The following FAM193B variants were observed in gnomAD, a reference collection of about 807,000 sequenced individuals.
FAM193B encodes the protein family with sequence similarity 193 member B.
Under a neutral mutation model 70.7 loss-of-function variants are expected in FAM193B, and 27 were observed. The ratio of observed to expected loss-of-function variants is 0.38; its 90% confidence interval spans 0.28 to 0.53. The LOEUF (loss-of-function observed/expected upper bound fraction) is 0.53, where lower values mean the gene tolerates loss of function less well. Among genes scored for constraint, FAM193B ranks in the 20% least tolerant of loss-of-function variants. FAM193B has a pLI of 0.81. For synonymous variants in FAM193B, 448 were observed against 436.0 expected (o/e 1.03, Z -0.34); for missense variants, 1,022 against 1,072.5 (o/e 0.95, Z 0.66).
At chr5:177,540,199 C>T (rs377376666) in intron 1 of FAM193B, among the ~76,000 whole-genome samples, 3 of 150,624 alleles carry the variant, frequency 2.0e-5, no homozygotes, top group South Asian at 2.1e-4. Context: ...CCCAGCTACT[C>T]GGGAGGCTGG....
chr5:177,529,921 A>G (rs1300513568), intron 5 of FAM193B, among the ~76,000 whole-genome samples: 2 of 152,188 alleles, frequency 1.3e-5, no homozygotes, highest in Non-Finnish European at 2.9e-5. Flanking sequence ...CCCTTGGCTC[A>G]CTACTTCAGG....
intron 1 of FAM193B, among the ~76,000 whole-genome samples, chr5:177,542,543 T>A (rs1322834624): frequency 6.6e-6 from 1 of 152,222 alleles, no homozygotes; most frequent in Non-Finnish European, 1.5e-5. Flanking sequence ...TTGTTAGAAA[T>A]CTTAATCTCT....
At chr5:177,531,529 TGG>T in intron 5 of FAM193B, 1 of 488,010 alleles carries the variant, frequency 2.0e-6, no homozygotes, top group Non-Finnish European at 3.3e-6. Context: ...TGGCTGGGGG[TGG>T]GGGGGAGGTG....
intron 5 of FAM193B, chr5:177,531,368 G>T: frequency 7.3e-7 from 1 of 1,361,492 alleles, no homozygotes. Context: ...AATTCCAGCA[G>T]CTCATCCACA....
chr5:177,534,944 T>G lies in FAM193B; in HGVS notation c.1076+1414A>C, dbSNP rs533807507. ...AAAATTGATTTTAGAAAAATTAAAATAGTGTGCTTGTGAATATGGGAAACC... is the reference window on the plus strand; with the variant it reads ...AAAATTGATTTTAGAAAAATTAAAAGAGTGTGCTTGTGAATATGGGAAACC... On this transcript the variant is annotated intron_variant, in intron 4 of 8. Transcript: ENST00000514747. Among the ~76,000 whole-genome samples the G allele has an allele frequency of 1.5e-3, 221 of 152,340 alleles. 1 individual carries two copies. The highest frequency in any genetic ancestry group is 3.4e-3 in the Middle Eastern group (1 of 294).
Position 177,524,403 on chromosome 5 carries a change from C to T in FAM193B, c.2078G>A (p.Ser693Asn), listed in dbSNP as rs768875513. The T allele has an allele frequency of 3.8e-6, 6 of 1,580,716 alleles. No individual in the cohort carries two copies. In the South Asian group the frequency reaches 6.9e-5, roughly 18 times the overall value. Residue 693 changes from serine to asparagine, a missense_variant, in exon 6 of 9, where the codon AGC becomes AAC. By Grantham distance (46) the Ser-to-Asn change is conservative (BLOSUM62 1). Transcript: ENST00000514747. ...VGSCAEAGEGSRGSRPGPGWA... is the reference protein window; with the variant it reads ...VGSCAEAGEGNRGSRPGPGWA... ...ACCTGGTCCTGGCCGGCTCCCCCGGCTCCCCTCTCCAGCCTCAGCACAGCT... is the reference window on the plus strand; with the variant it reads ...ACCTGGTCCTGGCCGGCTCCCCCGGTTCCCCTCTCCAGCCTCAGCACAGCT...
Position 177,539,158 on chromosome 5 carries a change from G to C in FAM193B, c.211-11C>G. The C allele has an allele frequency of 6.5e-7, 1 of 1,543,854 alleles. No homozygotes were observed. The highest frequency in any genetic ancestry group is 8.7e-7 in the Non-Finnish European group (1 of 1,143,036). ...GGAGGCGGGGGGGACCTGTCCAACA[G>C]ACAGAAACAGGGTTTCCCAGGAGGG... On this transcript the variant is annotated splice_polypyrimidine_tract_variant and intron_variant, in intron 1 of 8. Transcript: ENST00000514747.
chr5:177,521,567 G>A (rs72815140), intron 8 of FAM193B, among the ~76,000 whole-genome samples: 1,605 of 152,352 alleles, frequency 0.011, 18 homozygotes, highest in Non-Finnish European at 0.016. Context: ...AGGAGCCCAG[G>A]GCAGGAAGTG....
At position 177,538,981 on chromosome 5, in the gene FAM193B, G is replaced by C; in HGVS notation, c.377C>G (p.Pro126Arg). The change falls in exon 2 of 9, where the codon CCT (proline) becomes CGT (arginine). Residue 126 changes from proline to arginine, a missense_variant. Transcript: ENST00000514747. This position sits in a 1 kb window ranked among gnomAD's most constrained non-coding sequence, Gnocchi z 4.1. ...TCGGCAACTCTGGCAGACCCACAGA[G>C]GCATCTCGCCTAGGAGATTCTTGAC... is the stretch of plus-strand genomic sequence containing the variant. Reference protein sequence around the residue: ...KLVKNLLGEMPLWVCQSCRKS... With the variant: ...KLVKNLLGEMRLWVCQSCRKS... The C allele has an allele frequency of 6.2e-7, 1 of 1,614,062 alleles. No homozygotes were observed. The highest frequency in any genetic ancestry group is 1.3e-5 in the African/African-American group (1 of 75,066).
Position 177,532,156 on chromosome 5 carries a change from T to G in FAM193B, c.1275+287A>C, listed in dbSNP as rs1283182739. 7.0e-7 allele frequency: 1 copy of G among 1,424,182 alleles called. No homozygotes were observed. Among genetic ancestry groups the G allele is most frequent in the African/African-American group, 1.4e-5 (1 of 70,648 alleles). The allele number at this position is 1,424,182 out of a possible 1,614,324, so 88.2% of individuals were successfully genotyped here. On this transcript the variant is annotated intron_variant, in intron 5 of 8. Transcript: ENST00000514747. This position sits in a 1 kb window ranked among gnomAD's most constrained non-coding sequence, Gnocchi z 4.9. ...TCTGGGATTACACACGTATACATAC[T>G]CATCAGAATCATAGCTTTCTCTCTG...
intron 3 of FAM193B, 95 bp from the exon 4 acceptor site, chr5:177,536,840 A>G: frequency 6.9e-7 from 1 of 1,445,316 alleles, no homozygotes; most frequent in Non-Finnish European, 9.2e-7. Context: ...TGCTTCTGTG[A>G]CAAGAGGGCA....
chr5:177,553,222 T>G (rs1417499719), intron 1 of FAM193B: 2 of 985,832 alleles, frequency 2.0e-6, no homozygotes, highest in Non-Finnish European at 2.4e-6. Flanking sequence ...GCCTTCTGGC[T>G]GCACCAGCCT....
chr5:177,530,145 A>G (rs1242947423), intron 5 of FAM193B, among the ~76,000 whole-genome samples: 1 of 152,200 alleles, frequency 6.6e-6, no homozygotes, highest in East Asian at 1.9e-4. Flanking sequence ...ACAAGGGACA[A>G]GCCATCAAGC....
intron 1 of FAM193B, among the ~76,000 whole-genome samples, chr5:177,550,307 G>A (rs1180601256): frequency 1.3e-5 from 2 of 152,212 alleles, no homozygotes; most frequent in Admixed American, 1.3e-4. Context: ...AATGGAAGTA[G>A]TGCAGGCTGG....
In FAM193B at chr5:177,524,438, G is replaced by A. The variant is rs1231800341; in HGVS notation, c.2043C>T (p.Pro681=). 1 of 1,607,372 alleles carries A rather than the reference G, an allele frequency of 6.2e-7. No individual in the cohort carries two copies. Among genetic ancestry groups the A allele is most frequent in the Non-Finnish European group, 8.5e-7 (1 of 1,177,030 alleles). The change falls in exon 6 of 9, where the codon CCC becomes CCT. Residue 681 remains proline, a synonymous_variant. Transcript: ENST00000514747. ...CAGCCTCAGCACAGCTGCCTACTTT[G>A]GGAAGCTCTAGGACCCTGCCTGGCT... ...PKQPGRVLEL[P]KVGSCAEAGE... is the part of the protein sequence containing the mutation.
At chr5:177,526,186 A>C (rs1448223704) in intron 5 of FAM193B, among the ~76,000 whole-genome samples, 1 of 152,132 alleles carries the variant, frequency 6.6e-6, no homozygotes, top group Non-Finnish European at 1.5e-5. Context: ...TCTTTTGTGA[A>C]CCCTGGCTCC....
intron 5 of FAM193B, among the ~76,000 whole-genome samples, chr5:177,526,914 C>T (rs764209366): frequency 2.6e-4 from 39 of 152,240 alleles, no homozygotes; most frequent in Non-Finnish European, 2.5e-4. Flanking sequence ...TTCTCTGCCT[C>T]GCTGACTTCA....
In FAM193B at chr5:177,538,085, C is replaced by T; in HGVS notation, c.476G>A (p.Cys159Tyr). Residue 159 changes from cysteine (C) to tyrosine (Y), a missense_variant, in exon 3 of 9, where the codon TGC (cysteine) becomes TAC (tyrosine). Cys to Tyr is a radical substitution (Grantham distance 194). Coordinates refer to ENST00000514747, the MANE Select transcript of FAM193B (RefSeq NM_001190946.3). This position sits in a 1 kb window ranked among gnomAD's most constrained non-coding sequence, Gnocchi z 4.1. ...AVAISLSHTS[C>Y]KSQSCGDDSH... Reference sequence around the variant, plus strand: ...GTCATCTCCACAAGACTGTGATTTGCAGGATGTGTGTGACAAGGAGATCTG... The same window carrying T: ...GTCATCTCCACAAGACTGTGATTTGTAGGATGTGTGTGACAAGGAGATCTG... 6.5e-7 allele frequency: 1 copy of T among 1,546,378 alleles called. No individual in the cohort carries two copies. Among genetic ancestry groups the T allele is most frequent in the Non-Finnish European group, 8.8e-7 (1 of 1,142,360 alleles).
Position 177,538,821 on chromosome 5 carries a change from G to C in FAM193B, c.453+84C>G. The C allele has an allele frequency of 1.3e-6, 2 of 1,559,930 alleles. No individual in the cohort carries two copies. Among genetic ancestry groups the C allele is most frequent in the South Asian group, 1.2e-5 (1 of 83,850 alleles). On this transcript the variant is annotated intron_variant, in intron 2 of 8. Transcript: ENST00000514747. This position sits in a 1 kb window ranked among gnomAD's most constrained non-coding sequence, Gnocchi z 4.1. ...CCTGGGCATGGGAGCTGCCCAAGGA[G>C]AGCCACCTGAGGACAGGGAACAGCC...
Sources: allele counts gnomAD v4.1 joint callset (sites outside exome capture counted in the v4.1 genomes callset), GRCh38; gene constraint gnomAD v4.1.1; non-coding constraint Gnocchi (gnomAD v3.1); transcripts MANE v1.5; gene names NCBI Gene and HGNC (gene_info 2026-07-23, HGNC 2026-07-21).